The following BRCA1 variants were observed in gnomAD, a reference collection of about 807,000 sequenced individuals.
BRCA1 encodes breast cancer type 1 susceptibility protein.
A neutral mutation model predicts 173.7 loss-of-function variants in BRCA1; 140 were observed. That is an observed-to-expected ratio of 0.81 (90% CI 0.70 to 0.93). BRCA1 has a LOEUF of 0.93. Among genes scored for constraint, BRCA1 ranks in the 40% least tolerant of loss-of-function variants. The probability of loss-of-function intolerance (pLI) is 0.00; values close to 1 mark genes in which losing one functional copy is unlikely to be tolerated. For missense variants in BRCA1, 1,983 were observed against 2,172.5 expected (o/e 0.91, Z 1.73); for synonymous variants, 662 against 756.0 (o/e 0.88, Z 2.04).
At chr17:43,162,235 C>T (rs1228409179) in intron 1 of BRCA1, 1 of 152,152 alleles carries the variant, frequency 6.6e-6, no homozygotes, top group African/African-American at 2.4e-5. Flanking sequence ...ACATTTATTT[C>T]CACACAGTCC....
At chr17:43,048,521 T>C (rs867626747) in intron 21 of BRCA1, among the ~76,000 whole-genome samples, 2,448 of 144,868 alleles carry the variant, frequency 0.017, 63 homozygotes, top group African/African-American at 0.053. Flanking sequence ...TCTCTCTCTT[T>C]TTTTTTTTTT....
intron 1 of BRCA1, among the ~76,000 whole-genome samples, chr17:43,134,200 C>G (rs1174500699): frequency 1.3e-5 from 2 of 152,158 alleles, no homozygotes; most frequent in Non-Finnish European, 2.9e-5. Context: ...TAGAGCCTGC[C>G]TGGTGGGCTC....
chr17:43,048,712 G>C (rs1449451777), intron 21 of BRCA1, among the ~76,000 whole-genome samples: 1 of 150,250 alleles, frequency 6.7e-6, no homozygotes, highest in African/African-American at 2.5e-5. Flanking sequence ...GTACAGATGG[G>C]GTTTCACCAT....
At chr17:43,070,090 C>T (rs1246921978) in intron 15 of BRCA1, among the ~76,000 whole-genome samples, 3 of 152,052 alleles carry the variant, frequency 2.0e-5, no homozygotes, top group Admixed American at 6.6e-5. Context: ...TGCGCCACCA[C>T]GCCCGGCTAA....
chr17:43,140,839 C>T (rs898810397), intron 1 of BRCA1, among the ~76,000 whole-genome samples: 16 of 152,188 alleles, frequency 1.1e-4, no homozygotes, highest in Non-Finnish European at 1.6e-4. Context: ...TCTCCCCAGG[C>T]GGCCTGACCT....
intron 1 of BRCA1, among the ~76,000 whole-genome samples, chr17:43,154,904 T>G (rs2056187249): frequency 6.6e-6 from 1 of 152,050 alleles, no homozygotes; most frequent in Admixed American, 6.6e-5. Flanking sequence ...AGGAAAGGTT[T>G]CACTGAGGTG....
intron 1 of BRCA1, among the ~76,000 whole-genome samples, chr17:43,146,994 C>G (rs1042534789): frequency 1.3e-5 from 2 of 152,058 alleles, no homozygotes; most frequent in Non-Finnish European, 2.9e-5. Context: ...ACTCCTTGTC[C>G]TGCAGCCTCA....
chr17:43,124,773 TTTTGA>T (rs1460359614), intron 1 of BRCA1: 1 of 230,402 alleles, frequency 4.3e-6, no homozygotes, highest in African/African-American at 2.3e-5. Context: ...TTTTGTTTTG[TTTTGA>T]GACAGTCTCG....
intron 3 of BRCA1, among the ~76,000 whole-genome samples, chr17:43,115,027 C>T (rs1395950508): frequency 1.3e-5 from 2 of 152,098 alleles, no homozygotes; most frequent in African/African-American, 4.8e-5. Context: ...ACAATGATTA[C>T]AAAGCGGGCA....
chr17:43,134,839 C>A lies in BRCA1; in HGVS notation c.-19-10724G>T, dbSNP rs2056002582. 2.0e-5 allele frequency among the ~76,000 whole-genome samples: 3 copies of A among 152,228 alleles called. No individual in the cohort carries two copies. In the South Asian group the frequency reaches 6.2e-4, roughly 31 times the overall value. ...TTATATTTGAAAGCAGACACTGGGA[C>A]TCTGACCTTTGCAGAGATAAAAGGG... is the stretch of plus-strand genomic sequence containing the variant. On this transcript the variant is annotated intron_variant, in intron 1 of 7. Transcript: ENST00000634433.
rs80357533 is a variant in BRCA1 at position 43,092,244 on chromosome 17, TG to T, written c.3286del (p.Gln1096LysfsTer13). On this transcript the variant is annotated frameshift_variant, in exon 10 of 23. Coordinates refer to ENST00000357654, the MANE Select transcript of BRCA1 (RefSeq NM_007294.4). LOFTEE classifies it high-confidence loss of function. ...CTTACAATTACTTCCAGGAAGACTT[TG>T]TTTATAGACCTCAGGTTGCAAAACC... ...LGVLQPEVYK[Q>X]SLPGSNCKHP... 6.2e-7 allele frequency: 1 copy of T among 1,613,610 alleles called. No individual in the cohort carries two copies. Among genetic ancestry groups the T allele is most frequent in the African/African-American group, 1.3e-5 (1 of 74,916 alleles).
chr17:43,136,013 G>A (rs1006698087), intron 1 of BRCA1, among the ~76,000 whole-genome samples: 21 of 152,144 alleles, frequency 1.4e-4, no homozygotes, highest in Admixed American at 3.9e-4. Context: ...TACAGGCTTC[G>A]CCGGGCGCAG....
intron 21 of BRCA1, 23 bp downstream of exon 21, chr17:43,049,098 C>CT: frequency 6.2e-7 from 1 of 1,609,228 alleles, no homozygotes; most frequent in Non-Finnish European, 8.5e-7. Flanking sequence ...TCCTCCCTCT[C>CT]TGACAGGGCA....
Position 43,076,576 on chromosome 17 carries a change from T to A in BRCA1, c.4396A>T (p.Ser1466Cys), listed in dbSNP as rs1064794830. The part of the protein sequence containing the change: ...TSQKSSEYPI[S>C]QNPEGLSADK... ...GCAGAAAGGCCTTCTGGATTCTGGC[T>A]TATAGGGTATTCACTACTTTTCTGT... The change falls in exon 13 of 23, where the codon AGC (serine) becomes TGC (cysteine). Residue 1466 changes from serine to cysteine, a missense_variant. Physicochemically the swap from Ser to Cys is moderately radical, Grantham distance 112. Coordinates refer to ENST00000357654, the MANE Select transcript of BRCA1 (RefSeq NM_007294.4). 6.2e-7 allele frequency: 1 copy of A among 1,613,714 alleles called. No individual in the cohort carries two copies. The highest frequency in any genetic ancestry group is 8.5e-7 in the Non-Finnish European group (1 of 1,179,780).
intron 8 of BRCA1, among the ~76,000 whole-genome samples, 177 bp from the exon 9 acceptor site, chr17:43,096,099 G>C (rs2054124463): frequency 6.6e-6 from 1 of 151,924 alleles, no homozygotes; most frequent in Non-Finnish European, 1.5e-5. Context: ...AATGGTTGCT[G>C]GGCACGGTGG....
Position 43,146,691 on chromosome 17 carries a change from GA to G in BRCA1, c.-19-22577del, listed in dbSNP as rs910306665. Among the ~76,000 whole-genome samples, 55 of 149,994 alleles carry G rather than the reference GA, an allele frequency of 3.7e-4. 2 individuals carry two copies. In the East Asian group the frequency reaches 9.7e-3, roughly 26 times the overall value. ...AACCAATAAAATCTCAATTATGAAAGAAAAAAAAAGAAAAATAAGTAATTTT... is the reference window on the plus strand; with the variant it reads ...AACCAATAAAATCTCAATTATGAAAGAAAAAAAAGAAAAATAAGTAATTTT... On this transcript the variant is annotated intron_variant, in intron 1 of 7. Coordinates refer to the BRCA1 transcript ENST00000634433.
chr17:43,069,769 T>C (rs974876092), intron 15 of BRCA1, among the ~76,000 whole-genome samples: 2 of 152,136 alleles, frequency 1.3e-5, no homozygotes, highest in African/African-American at 2.4e-5. Flanking sequence ...AGTAACTACC[T>C]ATGGAGAAGT....
chr17:43,092,130 T>A lies in BRCA1; in HGVS notation c.3401A>T (p.Glu1134Val), dbSNP rs762744684. 3.1e-6 allele frequency: 5 copies of A among 1,613,666 alleles called. No homozygotes were observed. The Admixed American group carries it at 8.3e-5, about 27-fold the overall frequency. Residue 1134 changes from glutamate (E) to valine (V), a missense_variant, in exon 10 of 23, where the codon GAA becomes GTA. Transcript: ENST00000357654. Reference sequence around the variant, plus strand: ...TGCATGACTACTTCCCATAGGCTGTTCTAAGTTATCTGAAATCAGATATGG... The same window carrying A: ...TGCATGACTACTTCCCATAGGCTGTACTAAGTTATCTGAAATCAGATATGG... Reference protein sequence around the residue: ...FSPYLISDNLEQPMGSSHASQ... With the variant: ...FSPYLISDNLVQPMGSSHASQ...
intron 3 of BRCA1, among the ~76,000 whole-genome samples, chr17:43,106,956 A>C (rs1035918776): frequency 2.0e-5 from 3 of 152,228 alleles, no homozygotes; most frequent in Non-Finnish European, 4.4e-5. Flanking sequence ...TGGTAATAGC[A>C]TAAGAATAGA....
Sources: gnomAD v4.1 joint callset for allele counts (sites outside exome capture counted in the v4.1 genomes callset) on GRCh38, gnomAD v4.1.1 for gene constraint, MANE v1.5 for transcripts, NCBI Gene and HGNC (gene_info 2026-07-23, HGNC 2026-07-21) for gene names.